Variants in PI15 observed in about 807,000 individuals in gnomAD.
PI15 encodes the protein peptidase inhibitor 15.
PI15 carries 18 observed loss-of-function variants against 31.0 expected under a neutral mutation model. The ratio of observed to expected loss-of-function variants is 0.58; its 90% CI spans 0.40 to 0.86. The LOEUF (loss-of-function observed/expected upper bound fraction) is 0.86, where lower values mean the gene tolerates loss of function less well. PI15 is among the 40% of genes least tolerant of loss of function. The pLI is 0.00. For synonymous variants in PI15, 118 were observed against 119.1 expected (o/e 0.99, Z 0.06); for missense variants, 282 against 328.1 (o/e 0.86, Z 1.09).
chr8:74,844,218 T>C (rs1810987831), intron 3 of PI15, 119 bp downstream of exon 3: 1 of 706,176 alleles, frequency 1.4e-6, no homozygotes, highest in East Asian at 2.5e-5. Context: ...GCTCACTATG[T>C]GTCAGGTACT....
intron 2 of PI15, among the ~76,000 whole-genome samples, chr8:74,837,639 T>C (rs1462114513): frequency 1.3e-5 from 2 of 152,130 alleles, no homozygotes; most frequent in Admixed American, 6.5e-5. Context: ...CTTTTCTCAA[T>C]CTAAGAAAAA....
At chr8:74,849,063 CT>C in intron 5 of PI15, 54 bp from the exon 6 acceptor site, 1 of 1,543,374 alleles carries the variant, frequency 6.5e-7, no homozygotes, top group Non-Finnish European at 8.8e-7. Context: ...GGACAATCTA[CT>C]TTTAAAAAAT....
intron 5 of PI15, among the ~76,000 whole-genome samples, chr8:74,846,262 A>G (rs2128766166): frequency 6.6e-6 from 1 of 152,346 alleles, no homozygotes; most frequent in African/African-American, 2.4e-5. Flanking sequence ...AAATAACTGC[A>G]TTACTCATTT....
intron 2 of PI15, among the ~76,000 whole-genome samples, chr8:74,839,700 A>G (rs73342905): frequency 2.3e-4 from 35 of 152,264 alleles, no homozygotes; most frequent in African/African-American, 8.4e-4. Context: ...AGAGCTCCGT[A>G]TATATTAGGT....
At chr8:74,828,066 T>C (rs1011827360) in intron 2 of PI15, among the ~76,000 whole-genome samples, 67 of 152,160 alleles carry the variant, frequency 4.4e-4, no homozygotes, top group Admixed American at 4.4e-3. Context: ...GCTACATAAT[T>C]GGGGATACAT....
At chr8:74,838,614 T>C (rs1272635142) in intron 2 of PI15, among the ~76,000 whole-genome samples, 1 of 152,084 alleles carries the variant, frequency 6.6e-6, no homozygotes, top group Non-Finnish European at 1.5e-5. Context: ...CATCTTTGTG[T>C]CTGTGTGTAC....
At chr8:74,839,426 T>C (rs1047564905) in intron 2 of PI15, among the ~76,000 whole-genome samples, 1 of 152,194 alleles carries the variant, frequency 6.6e-6, no homozygotes, top group African/African-American at 2.4e-5. Context: ...GATACCATTA[T>C]GAACCATTTT....
chr8:74,842,018 T>TC (rs1442792400), intron 2 of PI15, among the ~76,000 whole-genome samples: 7 of 152,084 alleles, frequency 4.6e-5, no homozygotes, highest in Admixed American at 1.3e-4. Flanking sequence ...TTTATCTTTT[T>TC]TTTTCTTATT....
Position 74,845,270 on chromosome 8 carries a change from A to G in PI15, c.525+10A>G, listed in dbSNP as rs753024474. ...CACACATTATACGCAGGTTATTTCA[A>G]TTACCTTGTTAATTTTTGATTCATA... On this transcript the variant is annotated intron_variant, in intron 4 of 5. Transcript: ENST00000260113. 1.9e-6 allele frequency: 3 copies of G among 1,612,636 alleles called. No homozygotes were observed. The East Asian group carries it at 6.7e-5, about 36-fold the overall frequency.
chr8:74,845,313 T>C, intron 4 of PI15, 53 bp downstream of exon 4: 1 of 1,583,046 alleles, frequency 6.3e-7, no homozygotes, highest in South Asian at 1.1e-5. Flanking sequence ...AATATGCTAA[T>C]ACTATTTTGG....
intron 2 of PI15, 126 bp from the exon 3 acceptor site, chr8:74,843,855 A>T: frequency 1.4e-6 from 1 of 702,742 alleles, no homozygotes; most frequent in Non-Finnish European, 2.6e-6. Context: ...GGGCAGAAAA[A>T]ACAAAAACAA....
At chr8:74,843,297 A>T (rs1810970581) in intron 2 of PI15, among the ~76,000 whole-genome samples, 1 of 152,224 alleles carries the variant, frequency 6.6e-6, no homozygotes, top group Non-Finnish European at 1.5e-5. Context: ...AAACTGATGT[A>T]TGAATGTTGG....
At chr8:74,833,274 A>G (rs578243222) in intron 2 of PI15, among the ~76,000 whole-genome samples, 10 of 152,306 alleles carry the variant, frequency 6.6e-5, no homozygotes, top group African/African-American at 2.4e-4. Context: ...GTTAGACTCT[A>G]TCAACAAGTG....
chr8:74,832,171 A>C (rs141882161), intron 2 of PI15, among the ~76,000 whole-genome samples: 120 of 152,312 alleles, frequency 7.9e-4, no homozygotes, highest in Non-Finnish European at 1.4e-3. Flanking sequence ...GGTTTACATG[A>C]TGAAGTAGAA....
intron 2 of PI15, among the ~76,000 whole-genome samples, chr8:74,838,067 G>C (rs1356426222): frequency 6.6e-6 from 1 of 151,670 alleles, no homozygotes; most frequent in Non-Finnish European, 1.5e-5. Flanking sequence ...TTCTTAAACT[G>C]CATGTATAGG....
chr8:74,833,151 C>A (rs553620622), intron 2 of PI15, among the ~76,000 whole-genome samples: 1 of 151,926 alleles, frequency 6.6e-6, no homozygotes, highest in South Asian at 2.1e-4. Context: ...TTAAAATATA[C>A]CATTGAGTTG....
At chr8:74,831,457 C>T (rs1810780056) in intron 2 of PI15, among the ~76,000 whole-genome samples, 1 of 152,082 alleles carries the variant, frequency 6.6e-6, no homozygotes, top group South Asian at 2.1e-4. Context: ...AAATGAGGTC[C>T]TTTAACTTTT....
chr8:74,837,004 T>G (rs552875364), intron 2 of PI15, among the ~76,000 whole-genome samples: 8 of 152,292 alleles, frequency 5.3e-5, no homozygotes, highest in Non-Finnish European at 5.9e-5. Flanking sequence ...TGTGTGCTTT[T>G]AAGATATTTA....
rs1464276173 is a variant in PI15, at chr8:74,854,745, T to C, written c.*5492T>C. The C allele has an allele frequency of 6.6e-6, 1 of 152,120 alleles. No individual in the cohort carries two copies. The highest frequency in any genetic ancestry group is 1.5e-5 in the Non-Finnish European group (1 of 68,000). The allele number at this position is 152,120 out of a possible 1,614,324, so 9.4% of individuals were successfully genotyped here. ...GAATTAGAGAAGATTGTGATGCATA[T>C]ATATAAACACTATTTTTAAAAAATA... On this transcript the variant is annotated 3_prime_UTR_variant, in exon 6 of 6. Coordinates refer to ENST00000260113, the MANE Select transcript of PI15 (RefSeq NM_015886.5).
Sources: allele counts gnomAD v4.1 joint callset (sites outside exome capture counted in the v4.1 genomes callset), GRCh38; gene constraint gnomAD v4.1.1; transcripts MANE v1.5; gene names NCBI Gene and HGNC (gene_info 2026-07-23, HGNC 2026-07-21).